LRRC37A2: variants seen among roughly 807,000 people sequenced by gnomAD.
LRRC37A2 encodes leucine-rich repeat-containing protein 37A2.
Under a neutral mutation model 68.8 loss-of-function variants are expected in LRRC37A2, and 9 were observed. That is an observed-to-expected ratio of 0.13 (90% CI 0.08 to 0.23). LRRC37A2 has a LOEUF of 0.23. LRRC37A2 is among the 10% of genes least tolerant of loss of function. LRRC37A2 has a pLI of 1.00. For missense variants in LRRC37A2, 168 were observed against 950.4 expected, an observed-to-expected ratio of 0.18 and a Z score of 10.82; for synonymous variants, 63 against 367.6, an observed-to-expected ratio of 0.17 and a Z score of 9.48.
chr17:46,749,961 A>C, the LRRC37A2 span: 97 of 1,578,386 alleles, frequency 6.1e-5, no homozygotes, highest in Non-Finnish European at 7.7e-5. Flanking sequence ...ATTGAGGCTG[A>C]AATAAGTAGT....
At chr17:46,498,891 A>G in the LRRC37A2 span, among the ~76,000 whole-genome samples, 1 of 150,878 alleles carries the variant, frequency 6.6e-6, no homozygotes, top group Non-Finnish European at 1.5e-5. Context: ...ACGTATATAT[A>G]TCTACATATA....
At chr17:47,013,895 G>A in the LRRC37A2 span, among the ~76,000 whole-genome samples, 4 of 152,220 alleles carry the variant, frequency 2.6e-5, no homozygotes, top group Non-Finnish European at 4.4e-5. Flanking sequence ...AGTGCTTTGG[G>A]AGGCCAAGGC....
At chr17:46,688,020 A>AT in the LRRC37A2 span, among the ~76,000 whole-genome samples, 12 of 105,288 alleles carry the variant, frequency 1.1e-4, no homozygotes, top group African/African-American at 4.1e-4. Context: ...AAAGAGTCAG[A>AT]TTTTTTTAAA....
chr17:46,770,136 G>C, the LRRC37A2 span: 2 of 1,446,780 alleles, frequency 1.4e-6, no homozygotes, highest in Non-Finnish European at 1.8e-6. Context: ...GACGTGAGGG[G>C]AACGAGGCCA....
chr17:46,757,340 ATTGTG>A, the LRRC37A2 span: 1 of 152,596 alleles, frequency 6.6e-6, no homozygotes, highest in Non-Finnish European at 1.5e-5. Context: ...AGCAGCACAC[ATTGTG>A]TTAACTTATG....
the LRRC37A2 span, among the ~76,000 whole-genome samples, chr17:46,493,065 C>T: frequency 6.8e-6 from 1 of 146,370 alleles, no homozygotes; most frequent in Non-Finnish European, 1.5e-5. Context: ...TTTTAATTTC[C>T]TTGTCCCTAA....
At chr17:46,975,203 G>C in the LRRC37A2 span, 1 of 152,126 alleles carries the variant, frequency 6.6e-6, no homozygotes, top group Non-Finnish European at 1.5e-5. Flanking sequence ...TTGTAGGTGA[G>C]GAAACCGAGG....
intron 8 of LRRC37A2, among the ~76,000 whole-genome samples, chr17:46,545,216 G>C (rs1215838246): frequency 7.3e-6 from 1 of 136,766 alleles, no homozygotes; most frequent in Non-Finnish European, 1.5e-5. Flanking sequence ...AGGATTGCTT[G>C]AGCCCAGGAG....
the LRRC37A2 span, among the ~76,000 whole-genome samples, chr17:46,730,306 GTTC>G: frequency 3.2e-3 from 492 of 152,188 alleles, 2 homozygotes; most frequent in Non-Finnish European, 5.4e-3. Context: ...TCTTAAAATA[GTTC>G]TTCTTTTTTA....
the LRRC37A2 span, among the ~76,000 whole-genome samples, chr17:46,491,397 T>A: frequency 7.0e-6 from 1 of 143,630 alleles, no homozygotes; most frequent in Admixed American, 6.9e-5. Context: ...TCTAATTGTT[T>A]CTTGTAGCTT....
At chr17:46,497,988 G>A in the LRRC37A2 span, among the ~76,000 whole-genome samples, 2 of 149,200 alleles carry the variant, frequency 1.3e-5, no homozygotes, top group Non-Finnish European at 2.9e-5. Flanking sequence ...GAGTGCAGTG[G>A]CACGATCTTG....
At chr17:46,973,672 T>C in the LRRC37A2 span, among the ~76,000 whole-genome samples, 5 of 152,252 alleles carry the variant, frequency 3.3e-5, no homozygotes, top group African/African-American at 1.2e-4. Flanking sequence ...CGAGCTGGGG[T>C]TTGCTGTCCT....
chr17:46,534,854 G>A lies in LRRC37A2; in HGVS notation c.2907-5322G>A, dbSNP rs187708086. ...CCCCCACCTCCCTCCCAGACAGGGC[G>A]GCTGCCGGGCAGAGGGGCTCCTCAC... On this transcript the variant is annotated intron_variant, in intron 6 of 14. Coordinates refer to ENST00000576629, the Ensembl canonical transcript of LRRC37A2. Among the ~76,000 whole-genome samples the A allele has an allele frequency of 6.4e-4, 96 of 149,220 alleles. 2 individuals are homozygous for A. The East Asian group carries it at 0.01, about 16-fold the overall frequency.
the LRRC37A2 span, chr17:46,964,452 C>T: frequency 3.9e-5 from 6 of 152,316 alleles, no homozygotes; most frequent in Non-Finnish European, 8.8e-5. Context: ...GAGAACAGAA[C>T]ATGGCCTAGG....
chr17:46,836,002 T>A, the LRRC37A2 span, among the ~76,000 whole-genome samples: 1 of 151,974 alleles, frequency 6.6e-6, no homozygotes, highest in South Asian at 2.1e-4. Flanking sequence ...AAAGTTATTG[T>A]GCCCACACAT....
At chr17:46,808,983 C>T in the LRRC37A2 span, among the ~76,000 whole-genome samples, 7 of 152,126 alleles carry the variant, frequency 4.6e-5, no homozygotes, top group Non-Finnish European at 1.0e-4. Context: ...CCGAGCTGAG[C>T]AGCGCAGAGC....
the LRRC37A2 span, among the ~76,000 whole-genome samples, chr17:46,994,150 C>T: frequency 6.6e-6 from 1 of 151,282 alleles, no homozygotes; most frequent in Non-Finnish European, 1.5e-5. Flanking sequence ...TTTGGGAGGC[C>T]GAGGTAGGTG....
chr17:46,998,725 G>A, the LRRC37A2 span: 1 of 152,224 alleles, frequency 6.6e-6, no homozygotes, highest in Admixed American at 6.5e-5. Flanking sequence ...TTGTTCTGAT[G>A]CCTGGGGACT....
At chr17:46,379,881 T>TG in the LRRC37A2 span, among the ~76,000 whole-genome samples, 2 of 43,638 alleles carry the variant, frequency 4.6e-5, no homozygotes, top group African/African-American at 1.8e-4. Flanking sequence ...TTTTTTTTTT[T>TG]TTTTTTTTTT....
Sources: gnomAD v4.1 joint callset for allele counts (sites outside exome capture counted in the v4.1 genomes callset) on GRCh38, gnomAD v4.1.1 for gene constraint, MANE v1.5 for transcripts, NCBI Gene and HGNC (gene_info 2026-07-23, HGNC 2026-07-21) for gene names.